SLC25A26: variants seen among roughly 807,000 people sequenced by gnomAD.
SLC25A26 encodes solute carrier family 25 member 26.
Under a neutral mutation model 37.8 loss-of-function variants are expected in SLC25A26, and 36 were observed. That is an observed-to-expected ratio of 0.95 (90% CI 0.73 to 1.26). SLC25A26 has a LOEUF of 1.26. Ranked by LOEUF, SLC25A26 falls within the 50% of genes most tolerant of loss-of-function variation. The pLI, the probability that SLC25A26 is intolerant of heterozygous loss-of-function variation, is 0.00. For missense variants in SLC25A26, 390 were observed against 331.1 expected, an observed-to-expected ratio of 1.18 and a Z score of -1.38; for synonymous variants, 129 against 122.5, an observed-to-expected ratio of 1.05 and a Z score of -0.35.
chr3:66,218,500 G>A (rs897896909), upstream of SLC25A26, among the ~76,000 whole-genome samples: 2 of 152,122 alleles, frequency 1.3e-5, no homozygotes, highest in African/African-American at 4.8e-5. Context: ...TCATTGTGGT[G>A]TTCACCGGCA....
At chr3:66,302,061 T>C (rs983019225) in intron 5 of SLC25A26, among the ~76,000 whole-genome samples, 9 of 152,218 alleles carry the variant, frequency 5.9e-5, no homozygotes, top group Non-Finnish European at 8.8e-5. Flanking sequence ...GATGATAATA[T>C]CACTAGCAGC....
At chr3:66,345,400 C>G (rs1218548004) in intron 5 of SLC25A26, among the ~76,000 whole-genome samples, 1 of 151,912 alleles carries the variant, frequency 6.6e-6, no homozygotes, top group African/African-American at 2.4e-5. Context: ...TTCCCTCCAC[C>G]TGCCCTTGCC....
chr3:66,311,195 C>T (rs1044900086), intron 5 of SLC25A26, among the ~76,000 whole-genome samples: 1 of 152,010 alleles, frequency 6.6e-6, no homozygotes, highest in Admixed American at 6.6e-5. Flanking sequence ...CGTTCCTTTT[C>T]ATTATTTTTT....
chr3:66,337,620 G>T (rs1196485918), intron 5 of SLC25A26, among the ~76,000 whole-genome samples: 1 of 151,946 alleles, frequency 6.6e-6, no homozygotes, highest in Non-Finnish European at 1.5e-5. Context: ...AATGTGTTGA[G>T]ATAAATCAGA....
intron 6 of SLC25A26, among the ~76,000 whole-genome samples, chr3:66,361,163 C>T (rs994491088): frequency 7.9e-5 from 12 of 152,134 alleles, no homozygotes; most frequent in African/African-American, 2.2e-4. Flanking sequence ...CTTTCCCAGT[C>T]ACTGGAACAA....
chr3:66,349,528 C>T (rs554579920), intron 6 of SLC25A26, among the ~76,000 whole-genome samples: 1 of 151,840 alleles, frequency 6.6e-6, no homozygotes, highest in East Asian at 1.9e-4. Context: ...CCTGTTGTTG[C>T]TTGTACCAGT....
chr3:66,241,637 G>C (rs192505429), intron 2 of SLC25A26, among the ~76,000 whole-genome samples: 50 of 152,228 alleles, frequency 3.3e-4, no homozygotes, highest in Non-Finnish European at 6.5e-4. Flanking sequence ...AGAGTACCAG[G>C]GTTCAAAAAT....
chr3:66,339,705 T>A (rs1284933537), intron 5 of SLC25A26, among the ~76,000 whole-genome samples: 1 of 152,036 alleles, frequency 6.6e-6, no homozygotes, highest in Non-Finnish European at 1.5e-5. Flanking sequence ...TTAAATTCTT[T>A]GCTTTTTTAA....
chr3:66,370,445 C>G, intron 8 of SLC25A26, 84 bp from the exon 9 acceptor site: 1 of 1,068,380 alleles, frequency 9.4e-7, no homozygotes, highest in Non-Finnish European at 1.4e-6. Flanking sequence ...TGACGGGGAG[C>G]TGTGTGTCTG....
At chr3:66,295,233 G>GT (rs139760250) in intron 5 of SLC25A26, among the ~76,000 whole-genome samples, 10,397 of 151,528 alleles carry the variant, frequency 0.069, 1,079 homozygotes, top group African/African-American at 0.23. Context: ...TTGCTTGTGT[G>GT]TTTTTTTTGA....
intron 5 of SLC25A26, among the ~76,000 whole-genome samples, chr3:66,314,251 G>C (rs1049147978): frequency 6.6e-6 from 1 of 152,102 alleles, no homozygotes; most frequent in Non-Finnish European, 1.5e-5. Flanking sequence ...TACGGGCTGT[G>C]GGTTTGTCCT....
intron 5 of SLC25A26, among the ~76,000 whole-genome samples, chr3:66,283,349 C>G (rs948088802): frequency 3.9e-5 from 6 of 152,172 alleles, no homozygotes; most frequent in Non-Finnish European, 8.8e-5. Context: ...GTGGCGCAGT[C>G]TTGGCTCACT....
At chr3:66,376,997 A>G (rs965056172) in intron 9 of SLC25A26, among the ~76,000 whole-genome samples, 1 of 152,176 alleles carries the variant, frequency 6.6e-6, no homozygotes, top group Admixed American at 6.5e-5. Context: ...GCCATAACTT[A>G]TATCACCATC....
At chr3:66,318,991 G>A (rs144243479) in intron 5 of SLC25A26, among the ~76,000 whole-genome samples, 13 of 152,138 alleles carry the variant, frequency 8.5e-5, no homozygotes, top group Admixed American at 6.5e-4. Flanking sequence ...TACATTGCCC[G>A]TATTGTGACT....
chr3:66,369,349 G>A, intron 7 of SLC25A26, 129 bp from the exon 8 acceptor site: 1 of 722,748 alleles, frequency 1.4e-6, no homozygotes, highest in Non-Finnish European at 2.4e-6. Flanking sequence ...GTGCATGTGT[G>A]CATCCTGTTC....
At chr3:66,372,861 C>T (rs561446753) in intron 9 of SLC25A26, among the ~76,000 whole-genome samples, 8 of 152,202 alleles carry the variant, frequency 5.3e-5, no homozygotes, top group Non-Finnish European at 8.8e-5. Flanking sequence ...GTCTCCTCCC[C>T]GGGGCGTGCA....
intron 9 of SLC25A26, among the ~76,000 whole-genome samples, chr3:66,374,402 C>A (rs950497568): frequency 1.3e-5 from 2 of 152,214 alleles, no homozygotes; most frequent in African/African-American, 4.8e-5. Flanking sequence ...ACTGTGTCCA[C>A]CGAAGACGGC....
At chr3:66,176,241 T>C (rs920610995) in intron 1 of SLC25A26, among the ~76,000 whole-genome samples, 1 of 152,236 alleles carries the variant, frequency 6.6e-6, no homozygotes, top group African/African-American at 2.4e-5. Flanking sequence ...AAAAGCCATC[T>C]ATGCATATCT....
intron 5 of SLC25A26, among the ~76,000 whole-genome samples, chr3:66,326,784 C>A (rs1011907232): frequency 2.0e-5 from 3 of 152,068 alleles, no homozygotes; most frequent in Admixed American, 2.0e-4. Flanking sequence ...AAGCCTCCAG[C>A]GGAAAAAGAA....
Sources: gnomAD v4.1 joint callset for allele counts (sites outside exome capture counted in the v4.1 genomes callset) on GRCh38, gnomAD v4.1.1 for gene constraint, MANE v1.5 for transcripts, NCBI Gene and HGNC (gene_info 2026-07-23, HGNC 2026-07-21) for gene names.